PDE7B: variants seen among roughly 807,000 people sequenced by gnomAD.
The protein encoded by PDE7B is phosphodiesterase 7B, also known as 3',5'-cyclic-AMP phosphodiesterase 7B.
A neutral mutation model predicts 56.2 loss-of-function variants in PDE7B; 29 were observed. The ratio of observed to expected loss-of-function variants is 0.52; its 90% CI spans 0.38 to 0.70. The LOEUF is 0.70. PDE7B is among the 30% of genes least tolerant of loss of function. The pLI, the probability that PDE7B is intolerant of heterozygous loss-of-function variation, is 0.00. For synonymous variants in PDE7B, 197 were observed against 196.9 expected (o/e 1.00, Z 0.00); for missense variants, 490 against 565.0 (o/e 0.87, Z 1.35).
chr6:136,148,784 A>G (rs1367990139), intron 4 of PDE7B, among the ~76,000 whole-genome samples: 1 of 152,200 alleles, frequency 6.6e-6, no homozygotes, highest in African/African-American at 2.4e-5. Context: ...AAGTCCAGCT[A>G]TCACAGGCCA....
intron 1 of PDE7B, among the ~76,000 whole-genome samples, chr6:135,907,024 G>A (rs116353668): frequency 1.0e-3 from 154 of 152,014 alleles, no homozygotes; most frequent in African/African-American, 3.5e-3. Flanking sequence ...GAAATGACAT[G>A]GCAAGGTCAG....
intron 2 of PDE7B, among the ~76,000 whole-genome samples, chr6:136,090,458 T>G (rs1055583642): frequency 6.6e-6 from 1 of 152,244 alleles, no homozygotes; most frequent in Admixed American, 6.5e-5. Flanking sequence ...TGGTTTTTTC[T>G]TTTTCAGAAC....
chr6:135,905,418 A>G (rs1776081895), intron 1 of PDE7B, among the ~76,000 whole-genome samples: 2 of 151,746 alleles, frequency 1.3e-5, no homozygotes, highest in South Asian at 4.2e-4. Flanking sequence ...ATTGAGCAGG[A>G]GGGAAGTGAC....
At chr6:135,889,898 A>G (rs1406651419) in intron 1 of PDE7B, among the ~76,000 whole-genome samples, 26 of 139,568 alleles carry the variant, frequency 1.9e-4, no homozygotes, top group East Asian at 6.5e-4. Flanking sequence ...GATTACAGGC[A>G]CCCACCACCA....
chr6:135,915,259 C>A (rs1583766122), intron 1 of PDE7B, among the ~76,000 whole-genome samples: 1 of 152,244 alleles, frequency 6.6e-6, no homozygotes, highest in Middle Eastern at 3.4e-3. Flanking sequence ...GCACGTAGGT[C>A]TTCGTGTGGA....
rs568628077 is a variant in PDE7B at position 136,090,131 on chromosome 6, T to G, written c.83-18600T>G. 1.3e-3 allele frequency among the ~76,000 whole-genome samples: 193 copies of G among 152,270 alleles called. 1 individual carries two copies. The highest frequency in any genetic ancestry group is 3.4e-3 in the Middle Eastern group (1 of 294). The stretch of plus-strand genomic sequence containing the variant: ...GCCTTGAATGACTCACAAGCGACTG[T>G]TCTTTTTTATCATCAGAGATACAAT... On this transcript the variant is annotated intron_variant, in intron 2 of 12. Transcript: ENST00000308191.
chr6:136,113,784 T>G (rs1232699999), intron 3 of PDE7B, among the ~76,000 whole-genome samples: 1 of 152,172 alleles, frequency 6.6e-6, no homozygotes, highest in Non-Finnish European at 1.5e-5. Context: ...AGGGGAGAGT[T>G]GCAGAAGCAA....
chr6:136,129,680 GAAGGA>G (rs1046387280), intron 3 of PDE7B, among the ~76,000 whole-genome samples: 25 of 152,344 alleles, frequency 1.6e-4, no homozygotes, highest in Middle Eastern at 3.4e-3. Context: ...TGGAGAAGGG[GAAGGA>G]AAGGAAGGGA....
At position 135,928,873 on chromosome 6, in the gene PDE7B, T is replaced by G. The variant is rs556522433; in HGVS notation, c.22-18591T>G. On this transcript the variant is annotated intron_variant, in intron 1 of 12. Transcript: ENST00000308191. ...CCTATCAGGTACTATGCTCACTACC[T>G]GGGTAACAGGATCATTAGTACACCA... Among the ~76,000 whole-genome samples, 22 of 152,166 alleles carry G rather than the reference T, an allele frequency of 1.4e-4. No individual in the cohort carries two copies. The South Asian group carries it at 4.4e-3, about 30-fold the overall frequency.
At chr6:136,082,274 T>C (rs1252604903) in intron 2 of PDE7B, among the ~76,000 whole-genome samples, 2 of 152,152 alleles carry the variant, frequency 1.3e-5, no homozygotes, top group African/African-American at 2.4e-5. Flanking sequence ...GCCTCTCCCA[T>C]TGGGCATTGC....
chr6:136,173,713 T>C, intron 8 of PDE7B, 84 bp from the exon 9 acceptor site: 3 of 898,494 alleles, frequency 3.3e-6, no homozygotes, highest in Non-Finnish European at 5.4e-6. Context: ...GGGAAAATGC[T>C]AGCGTCCGTG....
intron 2 of PDE7B, among the ~76,000 whole-genome samples, chr6:136,000,535 A>G (rs1004906529): frequency 9.9e-5 from 15 of 152,114 alleles, no homozygotes; most frequent in Non-Finnish European, 1.9e-4. Flanking sequence ...TTTTTGTCAG[A>G]TGGTTGAAGA....
intron 6 of PDE7B, among the ~76,000 whole-genome samples, chr6:136,152,839 C>T (rs1482649994): frequency 6.6e-6 from 1 of 152,198 alleles, no homozygotes; most frequent in Non-Finnish European, 1.5e-5. Context: ...GTGCTTACAT[C>T]TGCTGGAAGC....
intron 2 of PDE7B, among the ~76,000 whole-genome samples, chr6:136,084,225 G>T (rs547872869): frequency 6.6e-6 from 1 of 152,104 alleles, no homozygotes; most frequent in South Asian, 2.1e-4. Flanking sequence ...ATCCCAATTC[G>T]CTAAAGTTAG....
At chr6:135,906,445 G>T (rs1776107043) in intron 1 of PDE7B, among the ~76,000 whole-genome samples, 1 of 152,094 alleles carries the variant, frequency 6.6e-6, no homozygotes, top group Admixed American at 6.5e-5. Flanking sequence ...ATCAGTCGAG[G>T]TCTCAGTCTT....
chr6:136,056,868 ATTC>A (rs1776745031), intron 2 of PDE7B, among the ~76,000 whole-genome samples: 1 of 151,934 alleles, frequency 6.6e-6, no homozygotes, highest in African/African-American at 2.4e-5. Context: ...TCTGGTTTGT[ATTC>A]TTTTTTGTTA....
chr6:135,916,392 C>CT (rs566408380), intron 1 of PDE7B, among the ~76,000 whole-genome samples: 6,284 of 96,170 alleles, frequency 0.065, 921 homozygotes, highest in African/African-American at 0.23. Flanking sequence ...TCTTTTCTTT[C>CT]TTTTTTTTTT....
chr6:135,985,627 CA>C (rs1775364599), intron 2 of PDE7B, among the ~76,000 whole-genome samples: 1 of 152,182 alleles, frequency 6.6e-6, no homozygotes, highest in South Asian at 2.1e-4. Flanking sequence ...GGCATACACA[CA>C]AAAGGTGACA....
chr6:135,988,243 G>A (rs187286481), intron 2 of PDE7B, among the ~76,000 whole-genome samples: 1 of 152,088 alleles, frequency 6.6e-6, no homozygotes, highest in East Asian at 1.9e-4. Flanking sequence ...TGTAGAAGAA[G>A]GATTTGACGT....
Sources: allele counts gnomAD v4.1 joint callset (sites outside exome capture counted in the v4.1 genomes callset), GRCh38; gene constraint gnomAD v4.1.1; transcripts MANE v1.5; gene names NCBI Gene and HGNC (gene_info 2026-07-23, HGNC 2026-07-21).